RBFOX1: variants seen among roughly 807,000 people sequenced by gnomAD.
The protein encoded by RBFOX1 is RNA binding fox-1 homolog 1, also known as RNA binding protein fox-1 homolog 1.
A neutral mutation model predicts 57.7 loss-of-function variants in RBFOX1; 8 were observed. That is an observed-to-expected ratio of 0.14 (90% CI 0.08 to 0.25). RBFOX1 has a LOEUF of 0.25. Among genes scored for constraint, RBFOX1 ranks in the 10% least tolerant of loss-of-function variants. The pLI is 1.00. For synonymous variants in RBFOX1, 326 were observed against 222.4 expected (o/e 1.47, Z -4.15); for missense variants, 611 against 548.5 (o/e 1.11, Z -1.14).
chr16:6,802,461 G>A (rs1434404245), intron 3 of RBFOX1, among the ~76,000 whole-genome samples: 1 of 152,142 alleles, frequency 6.6e-6, no homozygotes, highest in African/African-American at 2.4e-5. Context: ...CACATCACCT[G>A]AGGTCAGGAG....
chr16:6,822,637 A>G (rs185606618), intron 3 of RBFOX1, among the ~76,000 whole-genome samples: 21 of 152,304 alleles, frequency 1.4e-4, no homozygotes, highest in Non-Finnish European at 2.1e-4. Context: ...CTCATAAGGT[A>G]TGAGGTTAGA....
intron 3 of RBFOX1, among the ~76,000 whole-genome samples, chr16:6,689,312 A>T (rs1282455628): frequency 1.3e-5 from 2 of 152,194 alleles, no homozygotes; most frequent in African/African-American, 4.8e-5. Flanking sequence ...GTGATAGAAT[A>T]GACTTTGAAA....
intron 3 of RBFOX1, among the ~76,000 whole-genome samples, chr16:7,028,617 A>C (rs1441472335): frequency 2.0e-5 from 3 of 147,522 alleles, no homozygotes; most frequent in African/African-American, 7.8e-5. Context: ...CACAAAAAAA[A>C]AAAAAAAAAA....
chr16:6,000,438 G>A (rs2060577016), intron 4 of RBFOX1, among the ~76,000 whole-genome samples: 1 of 152,190 alleles, frequency 6.6e-6, no homozygotes, highest in Non-Finnish European at 1.5e-5. Flanking sequence ...TTTGAGGAAA[G>A]GGGCAGGTGG....
chr16:6,864,619 G>C (rs1259675003), intron 3 of RBFOX1, among the ~76,000 whole-genome samples: 2 of 149,282 alleles, frequency 1.3e-5, no homozygotes, highest in South Asian at 2.1e-4. Context: ...GGATATTTGA[G>C]AATCAAGGAT....
intron 3 of RBFOX1, among the ~76,000 whole-genome samples, chr16:6,682,027 G>C (rs1568192611): frequency 6.6e-6 from 1 of 152,116 alleles, no homozygotes; most frequent in African/African-American, 2.4e-5. Context: ...CCTTACTCCT[G>C]ACTGAGAACT....
rs560243910 is a variant in RBFOX1, at chr16:6,830,770, G to A, written c.-16+176120G>A. 4.6e-5 allele frequency among the ~76,000 whole-genome samples: 7 copies of A among 152,254 alleles called. No homozygotes were observed. In the East Asian group the frequency reaches 5.8e-4, roughly 13 times the overall value. Reference sequence around the variant, plus strand: ...ATTCTGGTAATTTTAGGAGGATGACGTCCTCTGTTGAGATGGTAAGGGGTC... The same window carrying A: ...ATTCTGGTAATTTTAGGAGGATGACATCCTCTGTTGAGATGGTAAGGGGTC... On this transcript the variant is annotated intron_variant, in intron 3 of 15. Coordinates refer to ENST00000550418, the MANE Select transcript of RBFOX1 (RefSeq NM_018723.4).
intron 1 of RBFOX1, among the ~76,000 whole-genome samples, chr16:5,455,333 G>A (rs927869909): frequency 1.6e-4 from 24 of 152,020 alleles, no homozygotes; most frequent in African/African-American, 5.1e-4. Flanking sequence ...GACCAAGACA[G>A]ATATATGGCT....
At chr16:6,296,347 T>C (rs1045351433) in intron 1 of RBFOX1, among the ~76,000 whole-genome samples, 1 of 152,160 alleles carries the variant, frequency 6.6e-6, no homozygotes. Flanking sequence ...AGCCTCACTA[T>C]ACTTATCTGG....
At chr16:7,281,247 C>G (rs564459657) in intron 4 of RBFOX1, among the ~76,000 whole-genome samples, 1 of 151,858 alleles carries the variant, frequency 6.6e-6, no homozygotes, top group Non-Finnish European at 1.5e-5. Context: ...AAGTGATCTG[C>G]CTGTCCCAGC....
chr16:5,640,936 C>T (rs1244271593), intron 3 of RBFOX1, among the ~76,000 whole-genome samples: 1 of 151,268 alleles, frequency 6.6e-6, no homozygotes, highest in African/African-American at 2.4e-5. Context: ...TACACTCATG[C>T]ACACCATGCA....
Position 6,590,343 on chromosome 16 carries a change from T to C in RBFOX1, c.-63-64260T>C, listed in dbSNP as rs572498260. ...CATCGGATTTGCCTGTAGGTGTCATTCATTTTTGTTGTTTCTTCCCACCTC... is the reference window on the plus strand; with the variant it reads ...CATCGGATTTGCCTGTAGGTGTCATCCATTTTTGTTGTTTCTTCCCACCTC... On this transcript the variant is annotated intron_variant, in intron 2 of 15. Transcript: ENST00000550418. Among the ~76,000 whole-genome samples the C allele has an allele frequency of 7.2e-5, 11 of 152,316 alleles. No homozygotes were observed. In the East Asian group the frequency reaches 1.9e-3, roughly 27 times the overall value.
chr16:6,220,653 A>G (rs897845091), intron 1 of RBFOX1, among the ~76,000 whole-genome samples: 4 of 152,092 alleles, frequency 2.6e-5, no homozygotes, highest in African/African-American at 9.7e-5. Flanking sequence ...GAGCTTCAAA[A>G]TGGTTTGTGG....
intron 1 of RBFOX1, among the ~76,000 whole-genome samples, chr16:6,129,337 A>G (rs957005802): frequency 6.6e-6 from 1 of 152,206 alleles, no homozygotes; most frequent in Non-Finnish European, 1.5e-5. Context: ...ATAAAAAGGA[A>G]TCAAATGGAA....
At chr16:5,702,323 C>G (rs976022636) in intron 3 of RBFOX1, among the ~76,000 whole-genome samples, 1 of 152,268 alleles carries the variant, frequency 6.6e-6, no homozygotes, top group East Asian at 1.9e-4. Context: ...CACTTTTAAA[C>G]CATCAGATCT....
rs1235089406 is a variant in RBFOX1 at position 7,200,210 on chromosome 16, A to G, written c.27+148112A>G. Among the ~76,000 whole-genome samples, 3 of 152,226 alleles carry G rather than the reference A, an allele frequency of 2.0e-5. No individual in the cohort carries two copies. The East Asian group carries it at 5.8e-4, about 29-fold the overall frequency. On this transcript the variant is annotated intron_variant, in intron 4 of 15. Transcript: ENST00000550418. ...TAGGAAGTAGTGACTTTTAGAAAGG[A>G]AACTCGACTGTCCTTGTAGATGGTA...
intron 1 of RBFOX1, among the ~76,000 whole-genome samples, chr16:5,416,718 C>G (rs1045593405): frequency 1.3e-5 from 2 of 151,124 alleles, no homozygotes; most frequent in African/African-American, 4.9e-5. Flanking sequence ...AAGATTTTCT[C>G]TGTATCTCCT....
intron 2 of RBFOX1, among the ~76,000 whole-genome samples, chr16:5,523,858 C>A (rs77756327): frequency 0.044 from 6,670 of 152,190 alleles, 502 homozygotes; most frequent in African/African-American, 0.15. Context: ...GACCAGGTGT[C>A]CTTGGGGCAG....
chr16:7,394,767 G>T (rs1321003429), intron 4 of RBFOX1, among the ~76,000 whole-genome samples: 1 of 152,146 alleles, frequency 6.6e-6, no homozygotes, highest in Admixed American at 6.5e-5. Context: ...ATCCAGGCAA[G>T]TCACTCTTTT....
Sources: gnomAD v4.1 joint callset for allele counts (sites outside exome capture counted in the v4.1 genomes callset) on GRCh38, gnomAD v4.1.1 for gene constraint, MANE v1.5 for transcripts, NCBI Gene and HGNC (gene_info 2026-07-23, HGNC 2026-07-21) for gene names.